FARS2: variants seen among roughly 807,000 people sequenced by gnomAD.
FARS2 encodes phenylalanyl-tRNA synthetase 2, mitochondrial.
A neutral mutation model predicts 46.4 loss-of-function variants in FARS2; 40 were observed. The ratio of observed to expected loss-of-function variants is 0.86; its 90% CI spans 0.67 to 1.12. The LOEUF (loss-of-function observed/expected upper bound fraction) is 1.12, where lower values mean the gene tolerates loss of function less well. Among genes scored for constraint, FARS2 ranks in the 50% most tolerant of loss-of-function variants. The probability of loss-of-function intolerance (pLI) is 0.00; values close to 1 mark genes in which losing one functional copy is unlikely to be tolerated. For missense variants in FARS2, 513 were observed against 567.9 expected (o/e 0.90, Z 0.98); for synonymous variants, 234 against 214.9 (o/e 1.09, Z -0.78).
intron 1 of FARS2, among the ~76,000 whole-genome samples, chr6:5,342,431 G>T (rs1172083062): frequency 6.6e-6 from 1 of 152,184 alleles, no homozygotes; most frequent in Non-Finnish European, 1.5e-5. Context: ...CTGAGACAAT[G>T]ATGGACACAG....
upstream of FARS2, among the ~76,000 whole-genome samples, chr6:5,257,206 C>T (rs1405252512): frequency 6.6e-6 from 1 of 152,102 alleles, no homozygotes; most frequent in Non-Finnish European, 1.5e-5. Flanking sequence ...GCCCCCAGGC[C>T]CTCAAATCAG....
At position 5,353,488 on chromosome 6, in the gene FARS2, A is replaced by G. The variant is rs368764941; in HGVS notation, c.-21-15062A>G. ...TTGAGGAAGCTCCTTACTGTTTTCCATAGTGGCTGTATTAATTTGCATTCC... is the reference window on the plus strand; with the variant it reads ...TTGAGGAAGCTCCTTACTGTTTTCCGTAGTGGCTGTATTAATTTGCATTCC... On this transcript the variant is annotated intron_variant, in intron 1 of 6. Transcript: ENST00000274680. 2.0e-5 allele frequency among the ~76,000 whole-genome samples: 3 copies of G among 152,300 alleles called. No homozygotes were observed. In the South Asian group the frequency reaches 6.2e-4, roughly 32 times the overall value.
intron 5 of FARS2, among the ~76,000 whole-genome samples, chr6:5,598,747 G>A (rs1439957346): frequency 6.6e-6 from 1 of 151,710 alleles, no homozygotes; most frequent in African/African-American, 2.4e-5. Flanking sequence ...GGCCCCAAAG[G>A]ACCACTAGAC....
chr6:5,625,101 G>T lies in FARS2; in HGVS notation c.1217+11781G>T, dbSNP rs1487034819. Among the ~76,000 whole-genome samples the T allele has an allele frequency of 2.0e-5, 3 of 152,308 alleles. No individual in the cohort carries two copies. The East Asian group carries it at 5.8e-4, about 29-fold the overall frequency. On this transcript the variant is annotated intron_variant, in intron 6 of 6. Transcript: ENST00000274680. ...TTGTCTTGAAAACGAAGAGATTTAT[G>T]AATTTGGATACATCCTGGCCCCTTC... is the stretch of plus-strand genomic sequence containing the variant.
chr6:5,355,138 C>T (rs935390885), intron 1 of FARS2, among the ~76,000 whole-genome samples: 2 of 152,068 alleles, frequency 1.3e-5, no homozygotes, highest in African/African-American at 4.8e-5. Context: ...GTAGCTCCCA[C>T]CTCCTTTGGT....
intron 1 of FARS2, among the ~76,000 whole-genome samples, chr6:5,273,416 G>T (rs552511343): frequency 1.3e-5 from 2 of 152,132 alleles, no homozygotes; most frequent in Non-Finnish European, 2.9e-5. Context: ...CTGATGATTA[G>T]TGATGTTGAG....
chr6:5,738,314 GAC>G (rs998161774), intron 6 of FARS2, among the ~76,000 whole-genome samples: 1 of 152,198 alleles, frequency 6.6e-6, no homozygotes, highest in African/African-American at 2.4e-5. Flanking sequence ...CATCAGAAGT[GAC>G]ACAGTATGCC....
intron 4 of FARS2, among the ~76,000 whole-genome samples, chr6:5,541,045 A>G (rs1770598415): frequency 6.6e-6 from 1 of 152,098 alleles, no homozygotes; most frequent in Admixed American, 6.5e-5. Context: ...GCAGATTCCT[A>G]GGGGGTCTAT....
chr6:5,356,464 A>G (rs768635826), intron 1 of FARS2, among the ~76,000 whole-genome samples: 14 of 152,118 alleles, frequency 9.2e-5, no homozygotes, highest in Non-Finnish European at 1.5e-4. Context: ...ATAGGTAGAT[A>G]GATGATAGAT....
At chr6:5,602,265 A>G (rs924256168) in intron 5 of FARS2, among the ~76,000 whole-genome samples, 1 of 152,164 alleles carries the variant, frequency 6.6e-6, no homozygotes, top group African/African-American at 2.4e-5. Flanking sequence ...ACAACTGACA[A>G]TGCTTTCTTG....
At chr6:5,619,269 T>G (rs943559015) in intron 6 of FARS2, among the ~76,000 whole-genome samples, 1 of 152,200 alleles carries the variant, frequency 6.6e-6, no homozygotes, top group African/African-American at 2.4e-5. Flanking sequence ...GTAAAATTTT[T>G]TTTTTACTAC....
chr6:5,654,245 C>A (rs11243026), intron 6 of FARS2, among the ~76,000 whole-genome samples: 43,212 of 151,956 alleles, frequency 0.28, 6,943 homozygotes, highest in East Asian at 0.59. Flanking sequence ...ACATAACATC[C>A]TTTCTGGACC....
At chr6:5,580,983 C>T (rs1773296694) in intron 5 of FARS2, among the ~76,000 whole-genome samples, 1 of 152,234 alleles carries the variant, frequency 6.6e-6, no homozygotes, top group Non-Finnish European at 1.5e-5. Flanking sequence ...AGTTTTCCCT[C>T]TGTGTGCATG....
chr6:5,434,784 TC>T (rs71715814), intron 4 of FARS2, among the ~76,000 whole-genome samples: 12,560 of 152,186 alleles, frequency 0.083, 1,705 homozygotes, highest in African/African-American at 0.28. Context: ...ACCCTGCTCT[TC>T]CCCTCTCTTT....
In FARS2 at chr6:5,365,637, C is replaced by G. The variant is rs190708564; in HGVS notation, c.-21-2913C>G. ...AGAGTGTTAGGATCATAGGCGTGAG[C>G]CACCACACCCTACTGAGAAATGCAC... On this transcript the variant is annotated intron_variant, in intron 1 of 6. Coordinates refer to ENST00000274680, the MANE Select transcript of FARS2 (RefSeq NM_006567.5). Among the ~76,000 whole-genome samples the G allele has an allele frequency of 3.3e-5, 5 of 151,088 alleles. No individual in the cohort carries two copies. In the East Asian group the frequency reaches 9.8e-4, roughly 30 times the overall value.
At chr6:5,405,480 C>CTTTTTTTTTTGTTT (rs1761521717) in intron 3 of FARS2, among the ~76,000 whole-genome samples, 1 of 58,946 alleles carries the variant, frequency 1.7e-5, no homozygotes, top group Admixed American at 2.5e-4. Flanking sequence ...GAGCAAGGTT[C>CTTTTTTTTTTGTTT]TTTTTTTTTT....
chr6:5,426,292 G>T (rs1480492250), intron 3 of FARS2, among the ~76,000 whole-genome samples: 1 of 152,098 alleles, frequency 6.6e-6, no homozygotes, highest in African/African-American at 2.4e-5. Flanking sequence ...GAATCCATAT[G>T]ATTTGGATAT....
intron 1 of FARS2, among the ~76,000 whole-genome samples, chr6:5,290,521 T>C (rs569768049): frequency 6.6e-6 from 1 of 152,358 alleles, no homozygotes; most frequent in East Asian, 1.9e-4. Context: ...TTAAATAATA[T>C]AGGAATTTTT....
chr6:5,519,473 GT>G (rs753086521), intron 4 of FARS2, among the ~76,000 whole-genome samples: 2 of 152,076 alleles, frequency 1.3e-5, no homozygotes, highest in South Asian at 2.1e-4. Flanking sequence ...GTCAAGGGGG[GT>G]TTTTTTGTGA....
Sources: allele counts gnomAD v4.1 joint callset (sites outside exome capture counted in the v4.1 genomes callset), GRCh38; gene constraint gnomAD v4.1.1; transcripts MANE v1.5; gene names NCBI Gene and HGNC (gene_info 2026-07-23, HGNC 2026-07-21).